CDH4: variants seen among roughly 807,000 people sequenced by gnomAD.
CDH4 encodes the protein cadherin 4.
A neutral mutation model predicts 86.0 loss-of-function variants in CDH4; 33 were observed. That is an observed-to-expected ratio of 0.38 (90% CI 0.29 to 0.51). The LOEUF (loss-of-function observed/expected upper bound fraction) is 0.51, where lower values mean the gene tolerates loss of function less well. Among genes scored for constraint, CDH4 ranks in the 20% least tolerant of loss-of-function variants. The pLI is 0.86. For synonymous variants in CDH4, 555 were observed against 549.4 expected, an observed-to-expected ratio of 1.01 and a Z score of -0.14; for missense variants, 1,114 against 1,307.4, an observed-to-expected ratio of 0.85 and a Z score of 2.28.
At chr20:61,336,650 TAG>T (rs1462097476) in intron 2 of CDH4, among the ~76,000 whole-genome samples, 1 of 152,208 alleles carries the variant, frequency 6.6e-6, no homozygotes, top group East Asian at 1.9e-4. Flanking sequence ...AGCCAGCCTG[TAG>T]GATGAAACTT....
Position 61,480,511 on chromosome 20 carries a change from G to A in CDH4, c.169+225574G>A, listed in dbSNP as rs981336358. ...TTCCCTGAGGAACCCAGGCAGAACT[G>A]GACCCTGCAGGAGCCAGGCCCCTCC... On this transcript the variant is annotated intron_variant, in intron 2 of 15. Transcript: ENST00000614565. This position sits in a 1 kb window ranked among gnomAD's most constrained non-coding sequence, Gnocchi z 5.2. Among the ~76,000 whole-genome samples, 1 of 152,252 alleles carries A rather than the reference G, an allele frequency of 6.6e-6. No homozygotes were observed. Among genetic ancestry groups the A allele is most frequent in the Non-Finnish European group, 1.5e-5 (1 of 68,044 alleles).
intron 2 of CDH4, among the ~76,000 whole-genome samples, chr20:61,556,740 G>T (rs975710875): frequency 6.6e-6 from 1 of 152,098 alleles, no homozygotes; most frequent in Non-Finnish European, 1.5e-5. Context: ...CCCCAGTCTT[G>T]GTGCCCCCCA....
intron 2 of CDH4, among the ~76,000 whole-genome samples, chr20:61,528,618 G>A (rs1251223105): frequency 6.6e-6 from 1 of 152,040 alleles, no homozygotes; most frequent in Non-Finnish European, 1.5e-5. Flanking sequence ...AAAAGAAAAG[G>A]AAAGAAGAGA....
intron 2 of CDH4, among the ~76,000 whole-genome samples, chr20:61,479,175 GTTTT>G (rs2085555506): frequency 8.9e-6 from 1 of 112,256 alleles, no homozygotes; most frequent in Admixed American, 9.7e-5. Flanking sequence ...CTGGTTTTTT[GTTTT>G]TTGTTTTTTT....
At chr20:61,669,568 G>A (rs2087364111) in intron 2 of CDH4, among the ~76,000 whole-genome samples, 1 of 152,194 alleles carries the variant, frequency 6.6e-6, no homozygotes. Context: ...AGAATGGAAG[G>A]AAAACTGAAG....
intron 4 of CDH4, among the ~76,000 whole-genome samples, chr20:61,777,552 C>A (rs966038057): frequency 2.0e-5 from 3 of 152,254 alleles, no homozygotes; most frequent in African/African-American, 7.2e-5. Context: ...TTTGCCTTTT[C>A]CAAATGGACT....
intron 2 of CDH4, among the ~76,000 whole-genome samples, chr20:61,700,180 C>T (rs1341668230): frequency 6.6e-6 from 1 of 152,206 alleles, no homozygotes; most frequent in Admixed American, 6.5e-5. Flanking sequence ...GTGAGCTCTG[C>T]CTGCTCTTGC....
In CDH4 at chr20:61,252,570, G is replaced by A; in HGVS notation, c.57G>A (p.Arg19=). ...TGCTCTCGCTCTCCGGCGCGCTCCG[G>A]GTAAGTTGCCGCCTCCCGCCCCCGC... The part of the protein sequence containing the change: ...LLLLSLSGAL[R]AHNEDLTTRE... Residue 19 remains arginine, a splice_region_variant and synonymous_variant, in exon 1 of 16, where the codon CGG becomes CGA. Coordinates refer to ENST00000614565, the MANE Select transcript of CDH4 (RefSeq NM_001794.5). This position sits in a 1 kb window ranked among gnomAD's most constrained non-coding sequence, Gnocchi z 4.4. 2.5e-6 allele frequency: 3 copies of A among 1,204,144 alleles called. No homozygotes were observed. Among genetic ancestry groups the A allele is most frequent in the Non-Finnish European group, 3.1e-6 (3 of 969,850 alleles). 74.6% of individuals were successfully genotyped at this position (1,204,144 alleles called of 1,614,324 possible).
chr20:61,889,145 C>A (rs1190092132), intron 7 of CDH4, among the ~76,000 whole-genome samples: 1 of 152,246 alleles, frequency 6.6e-6, no homozygotes, highest in Admixed American at 6.5e-5. Flanking sequence ...GAGCCCCCAC[C>A]TTCCTTCCTC....
chr20:61,823,087 T>C (rs1981128559), intron 4 of CDH4, among the ~76,000 whole-genome samples: 1 of 152,158 alleles, frequency 6.6e-6, no homozygotes, highest in Non-Finnish European at 1.5e-5. Flanking sequence ...AACTGTCTGA[T>C]GGAGAATTCT....
At chr20:61,594,986 T>C (rs2086544864) in intron 2 of CDH4, among the ~76,000 whole-genome samples, 1 of 152,224 alleles carries the variant, frequency 6.6e-6, no homozygotes, top group Non-Finnish European at 1.5e-5. Context: ...ACCCCAGCGC[T>C]GGCCATGCAC....
chr20:61,650,667 T>C (rs1162577148), intron 2 of CDH4, among the ~76,000 whole-genome samples: 2 of 152,220 alleles, frequency 1.3e-5, no homozygotes, highest in Non-Finnish European at 2.9e-5. Flanking sequence ...AGAATCAGCA[T>C]AGATGATCCA....
intron 2 of CDH4, among the ~76,000 whole-genome samples, chr20:61,337,862 T>C (rs2084628239): frequency 2.0e-5 from 3 of 152,334 alleles, no homozygotes; most frequent in Admixed American, 6.5e-5. Flanking sequence ...AGCTTCCTTC[T>C]TTCCTCTGGT....
chr20:61,325,887 G>A (rs1203023564), intron 2 of CDH4, among the ~76,000 whole-genome samples: 1 of 152,156 alleles, frequency 6.6e-6, no homozygotes, highest in African/African-American at 2.4e-5. Context: ...CGACGCAAGT[G>A]GGTTGCCTCT....
intron 2 of CDH4, among the ~76,000 whole-genome samples, chr20:61,507,232 A>G (rs2085747282): frequency 1.3e-5 from 2 of 152,238 alleles, no homozygotes; most frequent in South Asian, 4.1e-4. Context: ...AAAAGCTAGA[A>G]TAGCTTTTGG....
At chr20:61,746,024 C>G (rs757183334) in intron 3 of CDH4, among the ~76,000 whole-genome samples, 23 of 152,178 alleles carry the variant, frequency 1.5e-4, no homozygotes, top group African/African-American at 5.1e-4. Flanking sequence ...ACCCAACCAG[C>G]GGAGCAGGGG....
At chr20:61,557,562 G>A (rs2086186849) in intron 2 of CDH4, among the ~76,000 whole-genome samples, 1 of 152,196 alleles carries the variant, frequency 6.6e-6, no homozygotes. Flanking sequence ...TTCTTCTTGT[G>A]ATAGCTGTTA....
At chr20:61,745,437 AGT>A (rs1228419685) in intron 3 of CDH4, among the ~76,000 whole-genome samples, 1 of 152,200 alleles carries the variant, frequency 6.6e-6, no homozygotes, top group African/African-American at 2.4e-5. Flanking sequence ...GAAAAGAGAA[AGT>A]GTGACTCAGA....
At chr20:61,914,297 T>G (rs1363098900) in intron 9 of CDH4, among the ~76,000 whole-genome samples, 2 of 152,156 alleles carry the variant, frequency 1.3e-5, no homozygotes, top group African/African-American at 4.8e-5. Flanking sequence ...GAAACGTGGA[T>G]CCACTGAGCA....
Sources: gnomAD v4.1 joint callset for allele counts (sites outside exome capture counted in the v4.1 genomes callset) on GRCh38, gnomAD v4.1.1 for gene constraint, Gnocchi (gnomAD v3.1) non-coding constraint, MANE v1.5 for transcripts, NCBI Gene and HGNC (gene_info 2026-07-23, HGNC 2026-07-21) for gene names.